The following LRMDA variants were observed in gnomAD, a reference collection of about 807,000 sequenced individuals.
LRMDA encodes leucine-rich melanocyte differentiation-associated protein.
In LRMDA, 18 loss-of-function variants were observed where a neutral mutation model predicts 29.8. That is an observed-to-expected ratio of 0.60 (90% CI 0.42 to 0.90). The LOEUF (loss-of-function observed/expected upper bound fraction) is 0.90, where lower values mean the gene tolerates loss of function less well. Among genes scored for constraint, LRMDA ranks in the 40% least tolerant of loss-of-function variants. The pLI, the probability that LRMDA is intolerant of heterozygous loss-of-function variation, is 0.00. For synonymous variants in LRMDA, 125 were observed against 109.4 expected (o/e 1.14, Z -0.89); for missense variants, 273 against 273.9 (o/e 1.00, Z 0.02).
intron 2 of LRMDA, among the ~76,000 whole-genome samples, chr10:75,482,254 G>GC (rs1844863096): frequency 2.6e-5 from 4 of 152,144 alleles, no homozygotes. Flanking sequence ...GCCTTCTTGA[G>GC]CTTCTGCCAT....
chr10:75,691,431 ATTAC>A (rs1056526721), intron 2 of LRMDA, among the ~76,000 whole-genome samples: 6 of 151,594 alleles, frequency 4.0e-5, no homozygotes, highest in African/African-American at 1.5e-4. Context: ...GCAGAATCCT[ATTAC>A]TTCTTGGCCA....
chr10:75,821,771 A>G (rs112696805), intron 2 of LRMDA, among the ~76,000 whole-genome samples: 1 of 149,244 alleles, frequency 6.7e-6, no homozygotes. Context: ...TCCATCTCAA[A>G]AAACAAACAA....
chr10:76,474,991 A>T lies in LRMDA; in HGVS notation c.602-82218A>T, dbSNP rs1564551687. Among the ~76,000 whole-genome samples, 3 of 151,956 alleles carry T rather than the reference A, an allele frequency of 2.0e-5. No individual in the cohort carries two copies. The East Asian group carries it at 5.8e-4, about 29-fold the overall frequency. On this transcript the variant is annotated intron_variant, in intron 6 of 6. Coordinates refer to ENST00000611255, the MANE Select transcript of LRMDA (RefSeq NM_001305581.2). ...TCATCAATTGATGAGTGCATAAATA[A>T]AATGCAGTATATTCTTACAGTAGAA...
chr10:76,363,172 A>AGG (rs1564520643), intron 6 of LRMDA, among the ~76,000 whole-genome samples: 38 of 17,328 alleles, frequency 2.2e-3, no homozygotes, highest in Non-Finnish European at 3.9e-3. Context: ...AAAGAAAGAA[A>AGG]GAAAGGAGGG....
At position 75,465,603 on chromosome 10, in the gene LRMDA, C is replaced by A. The variant is rs1283969128; in HGVS notation, c.131+27109C>A. On this transcript the variant is annotated intron_variant, in intron 2 of 6. Coordinates refer to ENST00000611255, the MANE Select transcript of LRMDA (RefSeq NM_001305581.2). Reference sequence around the variant, plus strand: ...ACTGCAGCTCTGATTTCAATTAACACCCACTAAATTTAGGCGAATGCAGCG... The same window carrying A: ...ACTGCAGCTCTGATTTCAATTAACAACCACTAAATTTAGGCGAATGCAGCG... Among the ~76,000 whole-genome samples the A allele has an allele frequency of 2.6e-5, 4 of 152,144 alleles. No individual in the cohort carries two copies. The East Asian group carries it at 5.8e-4, about 22-fold the overall frequency.
At chr10:75,491,642 T>C (rs1239842291) in intron 2 of LRMDA, among the ~76,000 whole-genome samples, 1 of 152,158 alleles carries the variant, frequency 6.6e-6, no homozygotes, top group African/African-American at 2.4e-5. Flanking sequence ...GTCAGCATTG[T>C]TTATAGAGTG....
At chr10:75,662,483 G>A (rs893654855) in intron 2 of LRMDA, among the ~76,000 whole-genome samples, 2 of 152,156 alleles carry the variant, frequency 1.3e-5, no homozygotes, top group African/African-American at 4.8e-5. Context: ...TGAAAACAAA[G>A]TCTGAAGTAA....
chr10:75,793,922 G>T (rs1250177477), intron 2 of LRMDA, among the ~76,000 whole-genome samples: 4 of 152,198 alleles, frequency 2.6e-5, no homozygotes, highest in African/African-American at 9.6e-5. Context: ...TTAGTTTATG[G>T]ACCATGCAGT....
chr10:75,478,863 C>G (rs1257803335), intron 2 of LRMDA, among the ~76,000 whole-genome samples: 1 of 152,220 alleles, frequency 6.6e-6, no homozygotes, highest in East Asian at 1.9e-4. Flanking sequence ...TGCCTGACTT[C>G]AGTCTGATCT....
intron 6 of LRMDA, among the ~76,000 whole-genome samples, chr10:76,380,081 T>C (rs535402755): frequency 1.3e-5 from 2 of 152,300 alleles, no homozygotes; most frequent in East Asian, 3.9e-4. Context: ...AAATACTTGG[T>C]ATGAATTTGA....
chr10:75,893,255 A>T (rs1015063894), intron 2 of LRMDA, among the ~76,000 whole-genome samples: 2 of 152,156 alleles, frequency 1.3e-5, no homozygotes, highest in African/African-American at 4.8e-5. Context: ...GGTGCTAGGC[A>T]TATAGATGAC....
intron 6 of LRMDA, among the ~76,000 whole-genome samples, chr10:76,359,221 G>A (rs1185190351): frequency 6.6e-6 from 1 of 152,200 alleles, no homozygotes; most frequent in African/African-American, 2.4e-5. Context: ...ACAAGTACTT[G>A]AGTGGTTATT....
intron 2 of LRMDA, among the ~76,000 whole-genome samples, chr10:75,655,483 G>A (rs889906455): frequency 2.6e-5 from 4 of 152,216 alleles, no homozygotes; most frequent in African/African-American, 7.2e-5. Flanking sequence ...GGAGACCATC[G>A]CATGGTCTAT....
At chr10:76,253,980 A>G (rs1852534246) in intron 5 of LRMDA, among the ~76,000 whole-genome samples, 2 of 152,276 alleles carry the variant, frequency 1.3e-5, no homozygotes, top group South Asian at 4.1e-4. Flanking sequence ...CTTAGTTTTA[A>G]TCATTCTGCC....
intron 5 of LRMDA, among the ~76,000 whole-genome samples, chr10:76,221,104 T>G (rs1851825342): frequency 6.6e-6 from 1 of 152,026 alleles, no homozygotes; most frequent in African/African-American, 2.4e-5. Context: ...ATAAATTAGG[T>G]ATTGATGGGA....
chr10:75,819,024 A>G (rs1330377692), intron 2 of LRMDA, among the ~76,000 whole-genome samples: 2 of 152,368 alleles, frequency 1.3e-5, no homozygotes, highest in Non-Finnish European at 2.9e-5. Context: ...CCCTGTGGAA[A>G]AGATTACTCT....
At chr10:76,539,679 A>T (rs1843331475) in intron 6 of LRMDA, among the ~76,000 whole-genome samples, 1 of 152,158 alleles carries the variant, frequency 6.6e-6, no homozygotes, top group Non-Finnish European at 1.5e-5. Flanking sequence ...GACCTCCTTC[A>T]GTCAAGTCAG....
At chr10:76,005,221 T>G (rs1201875662) in intron 2 of LRMDA, among the ~76,000 whole-genome samples, 1 of 152,252 alleles carries the variant, frequency 6.6e-6, no homozygotes, top group Admixed American at 6.5e-5. Context: ...ATTACTGTAC[T>G]ATGTGCTTTC....
chr10:75,980,703 T>G (rs567786975), intron 2 of LRMDA, among the ~76,000 whole-genome samples: 2 of 152,366 alleles, frequency 1.3e-5, no homozygotes, highest in East Asian at 3.9e-4. Context: ...AAGCAACTGA[T>G]GTCTTACTAC....
Sources: allele counts gnomAD v4.1 joint callset (sites outside exome capture counted in the v4.1 genomes callset), GRCh38; gene constraint gnomAD v4.1.1; transcripts MANE v1.5; gene names NCBI Gene and HGNC (gene_info 2026-07-23, HGNC 2026-07-21).